The following CGGBP1 variants were observed in gnomAD, a reference collection of about 807,000 sequenced individuals.
The protein encoded by CGGBP1 is CGG triplet repeat binding protein 1.
In CGGBP1, 4 loss-of-function variants were observed where a neutral mutation model predicts 11.4. The ratio of observed to expected loss-of-function variants is 0.35; its 90% confidence interval spans 0.17 to 0.80. The LOEUF (loss-of-function observed/expected upper bound fraction) is 0.80, where lower values mean the gene tolerates loss of function less well. Among genes scored for constraint, CGGBP1 ranks in the 30% least tolerant of loss-of-function variants. CGGBP1 has a pLI of 0.52. For synonymous variants in CGGBP1, 76 were observed against 74.1 expected (o/e 1.03, Z -0.13); for missense variants, 135 against 202.1 (o/e 0.67, Z 2.01).
chr3:88,086,298 A>G, intron 2 of CGGBP1: 1 of 1,534,320 alleles, frequency 6.5e-7, no homozygotes, highest in Non-Finnish European at 8.7e-7. Context: ...TCCCTTTGCC[A>G]CAGCTTCAGG....
At chr3:88,140,884 A>G (rs1707085054) in intron 2 of CGGBP1, 1 of 1,613,516 alleles carries the variant, frequency 6.2e-7, no homozygotes, top group African/African-American at 1.3e-5. Flanking sequence ...TTTCTGACTG[A>G]TAGAGTAGAT....
intron 2 of CGGBP1, among the ~76,000 whole-genome samples, chr3:88,129,244 GTAT>G (rs962793022): frequency 1.5e-5 from 2 of 136,426 alleles, no homozygotes; most frequent in Non-Finnish European, 3.1e-5. Context: ...TCATTAATAA[GTAT>G]TATTCACATT....
intron 2 of CGGBP1, among the ~76,000 whole-genome samples, chr3:88,089,538 G>A (rs373487893): frequency 1.3e-4 from 20 of 151,934 alleles, no homozygotes; most frequent in African/African-American, 4.6e-4. Context: ...AGAAAAGCAA[G>A]AACTGGGACT....
chr3:88,138,728 T>A, intron 2 of CGGBP1: 1 of 1,231,958 alleles, frequency 8.1e-7, no homozygotes, highest in South Asian at 4.1e-5. Context: ...GCTTGCAAAT[T>A]TGTGTTGAAA....
At chr3:88,074,981 G>C (rs190465849) in intron 2 of CGGBP1, among the ~76,000 whole-genome samples, 1 of 152,284 alleles carries the variant, frequency 6.6e-6, no homozygotes, top group East Asian at 1.9e-4. Flanking sequence ...GCCATATTTT[G>C]TGGAGGGTGC....
At chr3:88,135,214 A>G in intron 2 of CGGBP1, 12 of 1,437,364 alleles carry the variant, frequency 8.3e-6, no homozygotes, top group South Asian at 1.5e-5. Flanking sequence ...TAAATAGGAT[A>G]TATTTGTCCC....
At chr3:88,133,577 A>G (rs1342620875) in intron 2 of CGGBP1, among the ~76,000 whole-genome samples, 1 of 147,964 alleles carries the variant, frequency 6.8e-6, no homozygotes, top group Non-Finnish European at 1.5e-5. Context: ...GGAATGAAGT[A>G]CTTTCCAAAT....
At chr3:88,101,191 GT>G (rs1160162843) in intron 2 of CGGBP1, among the ~76,000 whole-genome samples, 1 of 151,996 alleles carries the variant, frequency 6.6e-6, no homozygotes, top group Non-Finnish European at 1.5e-5. Context: ...TTTTTGGTAA[GT>G]TTTATAGAGT....
chr3:88,123,673 T>G (rs1455100355), intron 2 of CGGBP1, among the ~76,000 whole-genome samples: 1 of 152,214 alleles, frequency 6.6e-6, no homozygotes, highest in African/African-American at 2.4e-5. Context: ...GACTTAGTCC[T>G]AAGTCCAGTT....
At chr3:88,090,670 C>A (rs1708584895) in intron 2 of CGGBP1, among the ~76,000 whole-genome samples, 1 of 152,156 alleles carries the variant, frequency 6.6e-6, no homozygotes. Context: ...TCACCATTCA[C>A]TCACTGACAC....
At chr3:88,105,183 A>G (rs1245964714) in intron 2 of CGGBP1, among the ~76,000 whole-genome samples, 1 of 152,148 alleles carries the variant, frequency 6.6e-6, no homozygotes, top group African/African-American at 2.4e-5. Context: ...GTCTATGCCT[A>G]TTAAAGACAG....
intron 2 of CGGBP1, among the ~76,000 whole-genome samples, chr3:88,091,174 C>G (rs954243565): frequency 3.3e-5 from 5 of 152,166 alleles, no homozygotes; most frequent in African/African-American, 1.2e-4. Context: ...ATGCATTTCT[C>G]AGAACATATC....
intron 2 of CGGBP1, among the ~76,000 whole-genome samples, chr3:88,097,210 G>A (rs2107701010): frequency 6.6e-6 from 1 of 152,214 alleles, no homozygotes; most frequent in South Asian, 2.1e-4. Context: ...CTAGATCAAA[G>A]AGTGTAATTT....
rs138619722 is a variant in CGGBP1, at chr3:88,086,097, T to C, written c.-228-27874A>G. 3.3e-4 allele frequency among the ~76,000 whole-genome samples: 50 copies of C among 152,328 alleles called. No homozygotes were observed. The East Asian group carries it at 3.9e-3, about 12-fold the overall frequency. ...TAATAATTGATTTTATTTTCAGATA[T>C]ATATCGTCAAAATAAACAGTATAGA... is the stretch of plus-strand genomic sequence containing the variant. On this transcript the variant is annotated intron_variant, in intron 2 of 3. Coordinates refer to the CGGBP1 transcript ENST00000462901.
chr3:88,141,232 T>C (rs1339100175), intron 1 of CGGBP1, among the ~76,000 whole-genome samples: 1 of 152,156 alleles, frequency 6.6e-6, no homozygotes, highest in Non-Finnish European at 1.5e-5. Flanking sequence ...TATTCCTGTT[T>C]TATAGATCAA....
intron 2 of CGGBP1, among the ~76,000 whole-genome samples, chr3:88,121,306 A>T (rs1705755243): frequency 6.6e-6 from 1 of 152,098 alleles, no homozygotes; most frequent in African/African-American, 2.4e-5. Flanking sequence ...TCCAGTTGAA[A>T]ATTTTTTCAA....
chr3:88,055,687 T>A lies in CGGBP1; in HGVS notation c.290A>T (p.Gln97Leu). 6.2e-7 allele frequency: 1 copy of A among 1,614,220 alleles called. No individual in the cohort carries two copies. Among genetic ancestry groups the A allele is most frequent in the Non-Finnish European group, 8.5e-7 (1 of 1,180,028 alleles). The change falls in exon 4 of 4, where the codon CAA becomes CTA. Residue 97 changes from glutamine (Q) to leucine (L), a missense_variant. Physicochemically the swap from Gln to Leu is moderately radical, Grantham distance 113. Coordinates refer to ENST00000482016, the MANE Select transcript of CGGBP1 (RefSeq NM_001008390.2). This position sits in a 1 kb window ranked among gnomAD's most constrained non-coding sequence, Gnocchi z 4.2. ...CTGGATAACACTGACTTTCTCTGTT[T>A]GCGCAGTACTGTTGCACTGAAGAGA... ...TASLQCNSTA[Q>L]TEKVSVIQDF...
chr3:88,095,815 C>T (rs1704025295), intron 2 of CGGBP1: 1 of 449,004 alleles, frequency 2.2e-6, no homozygotes, highest in Non-Finnish European at 4.3e-6. Context: ...AAGTTTTTCT[C>T]AGATTCCCAA....
chr3:88,113,827 A>G (rs1261487073), intron 2 of CGGBP1, among the ~76,000 whole-genome samples: 4 of 138,638 alleles, frequency 2.9e-5, no homozygotes, highest in African/African-American at 7.8e-5. Flanking sequence ...AACATATCTT[A>G]TATTTGTTAA....
Sources: gnomAD v4.1 joint callset for allele counts (sites outside exome capture counted in the v4.1 genomes callset) on GRCh38, gnomAD v4.1.1 for gene constraint, Gnocchi (gnomAD v3.1) non-coding constraint, MANE v1.5 for transcripts, NCBI Gene and HGNC (gene_info 2026-07-23, HGNC 2026-07-21) for gene names.